The following NPAS2 variants were observed in gnomAD, a reference collection of about 807,000 sequenced individuals.
The protein encoded by NPAS2 is neuronal PAS domain-containing protein 2.
NPAS2 carries 23 observed loss-of-function variants against 107.5 expected under a neutral mutation model. That is an observed-to-expected ratio of 0.21 (90% CI 0.15 to 0.30). The LOEUF (loss-of-function observed/expected upper bound fraction) is 0.30, where lower values mean the gene tolerates loss of function less well. Ranked by LOEUF, NPAS2 falls within the 10% of genes least tolerant of loss-of-function variation. The probability of loss-of-function intolerance (pLI) is 1.00; values close to 1 mark genes in which losing one functional copy is unlikely to be tolerated. For missense variants in NPAS2, 756 were observed against 1,043.3 expected (o/e 0.72, Z 3.79); for synonymous variants, 403 against 417.5 (o/e 0.97, Z 0.42).
At chr2:100,974,101 C>A (rs1453318584) in intron 12 of NPAS2, among the ~76,000 whole-genome samples, 1 of 152,240 alleles carries the variant, frequency 6.6e-6, no homozygotes, top group African/African-American at 2.4e-5. Flanking sequence ...CTCAGCCTCC[C>A]AAAGAGCTGG....
intron 1 of NPAS2, among the ~76,000 whole-genome samples, chr2:100,825,491 G>GA (rs1197633940): frequency 6.6e-6 from 1 of 151,996 alleles, no homozygotes; most frequent in African/African-American, 2.4e-5. Flanking sequence ...CTAGTAGAAA[G>GA]AAAAAAAATT....
In NPAS2 at chr2:100,972,787, A is replaced by G. The variant is rs1676673735; in HGVS notation, c.1140+1713A>G. On this transcript the variant is annotated intron_variant, in intron 12 of 20. Coordinates refer to ENST00000335681, the MANE Select transcript of NPAS2 (RefSeq NM_002518.4). Reference sequence around the variant, plus strand: ...TCGCTGAAGAACAGGTGTAGTGTGTATCATCCAGTCGGAAATTTATCATTG... The same window carrying G: ...TCGCTGAAGAACAGGTGTAGTGTGTGTCATCCAGTCGGAAATTTATCATTG... 3 of 152,274 alleles carry G rather than the reference A, an allele frequency of 2.0e-5. 1 individual carries two copies. In the South Asian group the frequency reaches 6.2e-4, roughly 32 times the overall value. The allele number at this position is 152,274 out of a possible 1,614,324, so 9.4% of individuals were successfully genotyped here. A position where few individuals can be genotyped will look rare whatever the true frequency, so the allele number is the denominator to read the frequency against.
chr2:100,937,785 A>G lies in NPAS2; in HGVS notation c.306A>G (p.Thr102=), dbSNP rs764651220. 7 of 1,614,086 alleles carry G rather than the reference A, an allele frequency of 4.3e-6. No individual in the cohort carries two copies. The highest frequency in any genetic ancestry group is 5.9e-6 in the Non-Finnish European group (7 of 1,180,032). The change falls in exon 5 of 21, where the codon ACA becomes ACG. Residue 102 remains threonine (T), a synonymous_variant. Transcript: ENST00000335681. The part of the protein sequence containing the change: ...ALDGFIIAVT[T]DGSIIYVSDS... ...ATGGCTTCATTATCGCAGTGACAACAGACGGCAGCATCATCTATGTCTCTG... is the reference window on the plus strand; with the variant it reads ...ATGGCTTCATTATCGCAGTGACAACGGACGGCAGCATCATCTATGTCTCTG...
At chr2:100,919,377 A>C (rs1206562170) in intron 2 of NPAS2, among the ~76,000 whole-genome samples, 1 of 152,194 alleles carries the variant, frequency 6.6e-6, no homozygotes, top group Admixed American at 6.5e-5. Context: ...AAGGGGAAAA[A>C]AAACAAAAAC....
At chr2:100,937,876 A>G in intron 5 of NPAS2, 34 bp downstream of exon 5, 1 of 1,446,212 alleles carries the variant, frequency 6.9e-7, no homozygotes, top group Non-Finnish European at 9.7e-7. Context: ...TTACCGGTTC[A>G]CGTTACCATG....
intron 1 of NPAS2, among the ~76,000 whole-genome samples, chr2:100,886,471 GC>G (rs1339648727): frequency 6.6e-6 from 1 of 152,200 alleles, no homozygotes; most frequent in Non-Finnish European, 1.5e-5. Context: ...ATTTAAATAT[GC>G]CTTTGGAGTT....
chr2:100,842,077 A>ACGCGCGCGCGCGCG (rs1553441809), intron 1 of NPAS2, among the ~76,000 whole-genome samples: 1 of 92,366 alleles, frequency 1.1e-5, no homozygotes, highest in African/African-American at 3.9e-5. Flanking sequence ...GTGTGCATGT[A>ACGCGCGCGCGCGCG]CGCGCACACA....
At chr2:100,833,046 T>C (rs1026384791) in intron 1 of NPAS2, among the ~76,000 whole-genome samples, 3 of 152,218 alleles carry the variant, frequency 2.0e-5, no homozygotes, top group Non-Finnish European at 4.4e-5. Context: ...CCTGTTTATA[T>C]GAGACACCTA....
chr2:100,954,664 C>CAAAAAA (rs1194534141), intron 7 of NPAS2, among the ~76,000 whole-genome samples: 7 of 81,354 alleles, frequency 8.6e-5, no homozygotes, highest in East Asian at 7.8e-4. Flanking sequence ...AACTGTGTCT[C>CAAAAAA]AAAAAAAAAA....
In NPAS2 at chr2:100,904,715, T is replaced by C. The variant is rs1386228455; in HGVS notation, c.-22-18T>C. Reference sequence around the variant, plus strand: ...AGTAATTATCCATTCTTTTTAATTTTTTTTTTTTTTTTTGCAGGAAAAACT... The same window carrying C: ...AGTAATTATCCATTCTTTTTAATTTCTTTTTTTTTTTTTGCAGGAAAAACT... On this transcript the variant is annotated intron_variant, in intron 1 of 20. Coordinates refer to ENST00000335681, the MANE Select transcript of NPAS2 (RefSeq NM_002518.4). 7.6e-7 allele frequency: 1 copy of C among 1,310,006 alleles called. No homozygotes were observed. Among genetic ancestry groups the C allele is most frequent in the East Asian group, 2.7e-5 (1 of 37,438 alleles). 81.1% of individuals were successfully genotyped at this position (1,310,006 alleles called of 1,614,324 possible). A position where few individuals can be genotyped will look rare whatever the true frequency, so the allele number is the denominator to read the frequency against.
chr2:100,876,700 C>T (rs1186958533), intron 1 of NPAS2, among the ~76,000 whole-genome samples: 1 of 152,144 alleles, frequency 6.6e-6, no homozygotes, highest in East Asian at 1.9e-4. Flanking sequence ...GTGGCAGGAG[C>T]GTGCATGTTA....
At chr2:100,932,795 A>G (rs552129760) in intron 3 of NPAS2, 115 bp from the exon 4 acceptor site, 4 of 726,048 alleles carry the variant, frequency 5.5e-6, no homozygotes, top group African/African-American at 3.6e-5. Context: ...GGCTTCTTAA[A>G]TTAAACTACA....
chr2:100,823,211 G>A (rs191201891), intron 1 of NPAS2, among the ~76,000 whole-genome samples: 60 of 152,252 alleles, frequency 3.9e-4, no homozygotes, highest in African/African-American at 1.3e-3. Context: ...ATGATTAATA[G>A]TATCTCAGGG....
At chr2:100,895,207 G>T (rs1447273156) in intron 1 of NPAS2, among the ~76,000 whole-genome samples, 1 of 152,184 alleles carries the variant, frequency 6.6e-6, no homozygotes, top group East Asian at 1.9e-4. Context: ...TTTCTACTGT[G>T]AGCCCTTTAA....
chr2:100,829,965 G>A (rs1352158665), intron 1 of NPAS2, among the ~76,000 whole-genome samples: 2 of 152,070 alleles, frequency 1.3e-5, no homozygotes, highest in Non-Finnish European at 2.9e-5. Context: ...AATAGGAAAG[G>A]AAAAGGCAAG....
At chr2:100,990,499 C>A (rs940493806) in intron 18 of NPAS2, 53 bp downstream of exon 18, 89 of 1,561,218 alleles carry the variant, frequency 5.7e-5, no homozygotes, top group Non-Finnish European at 7.1e-5. Flanking sequence ...TTACCCCATT[C>A]ATTTCAGCTC....
chr2:100,988,708 C>A (rs1677917340), intron 17 of NPAS2: 1 of 331,032 alleles, frequency 3.0e-6, no homozygotes, highest in South Asian at 2.3e-5. Context: ...CTGTCCCTTG[C>A]CCCAGGTGCC....
At chr2:100,875,677 C>T (rs1679920783) in intron 1 of NPAS2, among the ~76,000 whole-genome samples, 1 of 152,248 alleles carries the variant, frequency 6.6e-6, no homozygotes, top group Non-Finnish European at 1.5e-5. Context: ...AGGTCGTTTA[C>T]TTTGGCATTT....
At chr2:100,928,252 T>C (rs1164754633) in intron 3 of NPAS2, among the ~76,000 whole-genome samples, 4 of 152,114 alleles carry the variant, frequency 2.6e-5, no homozygotes, top group Non-Finnish European at 4.4e-5. Context: ...GAACGAAGTG[T>C]TACAGCAGTA....
Sources: allele counts gnomAD v4.1 joint callset (sites outside exome capture counted in the v4.1 genomes callset), GRCh38; gene constraint gnomAD v4.1.1; transcripts MANE v1.5; gene names NCBI Gene and HGNC (gene_info 2026-07-23, HGNC 2026-07-21).